The following SLC28A3 variants were observed in gnomAD, a reference collection of about 807,000 sequenced individuals.
The protein encoded by SLC28A3 is concentrative Na(+)-nucleoside cotransporter 3.
A neutral mutation model predicts 84.2 loss-of-function variants in SLC28A3; 68 were observed. That is an observed-to-expected ratio of 0.81 (90% CI 0.66 to 0.99). The LOEUF (loss-of-function observed/expected upper bound fraction) is 0.99. Ranked by LOEUF, SLC28A3 falls within the 50% of genes least tolerant of loss-of-function variation. The pLI, the probability that SLC28A3 is intolerant of heterozygous loss-of-function variation, is 0.00. For missense variants in SLC28A3, 712 were observed against 841.5 expected (o/e 0.85, Z 1.90); for synonymous variants, 267 against 303.6 (o/e 0.88, Z 1.25).
intron 5 of SLC28A3, among the ~76,000 whole-genome samples, chr9:84,301,914 G>T (rs994069560): frequency 6.6e-6 from 1 of 152,124 alleles, no homozygotes; most frequent in African/African-American, 2.4e-5. Flanking sequence ...ATAGCACATG[G>T]AACGTAATAT....
chr9:84,318,433 G>A (rs894387929), intron 1 of SLC28A3, among the ~76,000 whole-genome samples: 2 of 152,176 alleles, frequency 1.3e-5, no homozygotes, highest in African/African-American at 2.4e-5. Context: ...AACTTTGTGA[G>A]CCAGGAGGCA....
intron 14 of SLC28A3, among the ~76,000 whole-genome samples, chr9:84,284,137 C>G (rs761429849): frequency 2.0e-5 from 3 of 152,230 alleles, no homozygotes; most frequent in Admixed American, 1.3e-4. Context: ...AAACGATTCT[C>G]TCCTGGCAAC....
rs1824643078 is a variant in SLC28A3 at position 84,279,259 on chromosome 9, C to T, written c.1949+6G>A. ...TATAAAGAAATTATAATCAAGAATACAATACCTGCTCAACAGACTTTGGCA... is the reference window on the plus strand; with the variant it reads ...TATAAAGAAATTATAATCAAGAATATAATACCTGCTCAACAGACTTTGGCA... On this transcript the variant is annotated splice_donor_region_variant and intron_variant, in intron 17 of 17. Coordinates refer to ENST00000376238, the MANE Select transcript of SLC28A3 (RefSeq NM_001199633.2). 3.8e-6 allele frequency: 6 copies of T among 1,598,606 alleles called. 1 individual carries two copies. The highest frequency in any genetic ancestry group is 2.2e-5 in the South Asian group (2 of 89,056).
rs1407957335 is a variant in SLC28A3, at chr9:84,275,605, A to G, written c.*2613T>C. On this transcript the variant is annotated 3_prime_UTR_variant, in exon 18 of 18. Coordinates refer to ENST00000376238, the MANE Select transcript of SLC28A3 (RefSeq NM_001199633.2). ...CAAGCAGCCTCCAGCTTCTATGTCT[A>G]CTAAAGAGGAATAAAAACATCACCA... is the stretch of plus-strand genomic sequence containing the variant. The G allele has an allele frequency of 6.6e-6, 1 of 152,232 alleles. No individual in the cohort carries two copies. Among genetic ancestry groups the G allele is most frequent in the Non-Finnish European group, 1.5e-5 (1 of 68,068 alleles). The allele number at this position is 152,232 out of a possible 1,614,324, so 9.4% of individuals were successfully genotyped here.
At chr9:84,309,759 G>T in intron 2 of SLC28A3, 45 bp from the exon 3 acceptor site, 1 of 1,527,430 alleles carries the variant, frequency 6.5e-7, no homozygotes, top group Non-Finnish European at 9.0e-7. Context: ...TGAGCATCCT[G>T]GGCATAATGG....
In SLC28A3 at chr9:84,280,035, C is replaced by T. The variant is rs1262786569; in HGVS notation, c.1768G>A (p.Gly590Arg). 1 of 1,613,850 alleles carries T rather than the reference C, an allele frequency of 6.2e-7. No individual in the cohort carries two copies. The highest frequency in any genetic ancestry group is 2.2e-5 in the East Asian group (1 of 44,878). ...APSRKRDIASGAVRALIAGTV... is the reference protein window; with the variant it reads ...APSRKRDIASRAVRALIAGTV... ...CCCGCAATCAGAGCTCTCACTGCCC[C>T]CGAGGCGATATCACGCTTTCTGGAA... The change falls in exon 16 of 18, where the codon GGG (glycine) becomes AGG (arginine). Residue 590 changes from glycine to arginine, a missense_variant. Physicochemically the swap from Gly to Arg is moderately radical, Grantham distance 125. Coordinates refer to ENST00000376238, the MANE Select transcript of SLC28A3 (RefSeq NM_001199633.2).
intron 1 of SLC28A3, among the ~76,000 whole-genome samples, chr9:84,318,956 G>A (rs1243617954): frequency 2.6e-5 from 4 of 151,974 alleles, no homozygotes; most frequent in East Asian, 1.9e-4. Context: ...AATGATAAAC[G>A]GAGAAATTAT....
At chr9:84,319,832 C>CA (rs1826301450) in intron 1 of SLC28A3, among the ~76,000 whole-genome samples, 1 of 151,982 alleles carries the variant, frequency 6.6e-6, no homozygotes, top group Admixed American at 6.6e-5. Context: ...GCAATGTGAC[C>CA]ACGCCTTCAC....
rs980282089 is a variant in SLC28A3 at position 84,275,989 on chromosome 9, T to C, written c.*2229A>G. The C allele has an allele frequency of 4.6e-5, 7 of 152,082 alleles. No homozygotes were observed. Among genetic ancestry groups the C allele is most frequent in the African/African-American group, 1.7e-4 (7 of 41,406 alleles). The allele number at this position is 152,082 out of a possible 1,614,324, so 9.4% of individuals were successfully genotyped here. Reference sequence around the variant, plus strand: ...TATAATACCAGAAATATACACACACTTCAAACCTGGGAAATCATCCTATGA... The same window carrying C: ...TATAATACCAGAAATATACACACACCTCAAACCTGGGAAATCATCCTATGA... On this transcript the variant is annotated 3_prime_UTR_variant, in exon 18 of 18. Coordinates refer to ENST00000376238, the MANE Select transcript of SLC28A3 (RefSeq NM_001199633.2).
At chr9:84,357,769 C>T in the SLC28A3 span, among the ~76,000 whole-genome samples, 4 of 152,256 alleles carry the variant, frequency 2.6e-5, no homozygotes, top group South Asian at 6.2e-4. Flanking sequence ...AGTTGAACAC[C>T]GAGCTGTGGG....
intron 1 of SLC28A3, among the ~76,000 whole-genome samples, chr9:84,317,995 G>T (rs2118469064): frequency 6.6e-6 from 1 of 152,144 alleles, no homozygotes; most frequent in Middle Eastern, 3.4e-3. Flanking sequence ...ATGTTTTAAG[G>T]CCCTTTCTCT....
chr9:84,281,903 A>G (rs1824766022), intron 14 of SLC28A3, among the ~76,000 whole-genome samples: 2 of 152,362 alleles, frequency 1.3e-5, no homozygotes, highest in East Asian at 3.9e-4. Context: ...AGGCGGGTAG[A>G]TCACTTGAGG....
chr9:84,286,240 A>G (rs140300679), intron 12 of SLC28A3, 129 bp from the exon 13 acceptor site: 125 of 777,262 alleles, frequency 1.6e-4, no homozygotes, highest in Admixed American at 1.0e-3. Context: ...TGCTCAAAAT[A>G]CTCACCTGAA....
chr9:84,332,999 G>A (rs1737485705), intron 1 of SLC28A3, among the ~76,000 whole-genome samples: 1 of 152,172 alleles, frequency 6.6e-6, no homozygotes, highest in Non-Finnish European at 1.5e-5. Context: ...AATCATTTTA[G>A]CAGATTTATT....
At chr9:84,289,413 G>T (rs1320886401) in intron 11 of SLC28A3, among the ~76,000 whole-genome samples, 2 of 152,152 alleles carry the variant, frequency 1.3e-5, no homozygotes, top group African/African-American at 4.8e-5. Flanking sequence ...CTATGGGTCG[G>T]GGTGCACGCA....
intron 5 of SLC28A3, among the ~76,000 whole-genome samples, chr9:84,301,571 T>A (rs1825639186): frequency 6.6e-6 from 1 of 152,174 alleles, no homozygotes. Flanking sequence ...TGTTCTATGA[T>A]CCTCATTTTG....
At chr9:84,279,213 T>TTTGA in intron 17 of SLC28A3, 52 bp downstream of exon 17, 1 of 1,453,134 alleles carries the variant, frequency 6.9e-7, no homozygotes, top group South Asian at 1.5e-5. Context: ...TTAGGTGTGA[T>TTTGA]TTGATTGATT....
intron 8 of SLC28A3, among the ~76,000 whole-genome samples, chr9:84,295,982 G>T (rs1259973323): frequency 1.3e-5 from 2 of 152,212 alleles, no homozygotes; most frequent in South Asian, 4.1e-4. Flanking sequence ...AAGCTTGAGG[G>T]AGTTAAAGAG....
chr9:84,287,394 T>C (rs1342854110), intron 12 of SLC28A3, among the ~76,000 whole-genome samples: 1 of 152,142 alleles, frequency 6.6e-6, no homozygotes. Flanking sequence ...CTGTTTTTTT[T>C]TCTTTTTCAC....
Sources: allele counts gnomAD v4.1 joint callset (sites outside exome capture counted in the v4.1 genomes callset), GRCh38; gene constraint gnomAD v4.1.1; transcripts MANE v1.5; gene names NCBI Gene and HGNC (gene_info 2026-07-23, HGNC 2026-07-21).